Variants in MECOM observed in about 807,000 individuals in gnomAD.
MECOM encodes MDS1 and EVI1 complex locus, also known as histone-lysine N-methyltransferase MECOM.
Under a neutral mutation model 116.3 loss-of-function variants are expected in MECOM, and 13 were observed. The ratio of observed to expected loss-of-function variants is 0.11; its 90% CI spans 0.07 to 0.18. The LOEUF (loss-of-function observed/expected upper bound fraction) is 0.18, where lower values mean the gene tolerates loss of function less well. Among genes scored for constraint, MECOM ranks in the 10% least tolerant of loss-of-function variants. The probability of loss-of-function intolerance (pLI) is 1.00; values close to 1 mark genes in which losing one functional copy is unlikely to be tolerated. For missense variants in MECOM, 1,299 were observed against 1,509.0 expected (o/e 0.86, Z 2.31); for synonymous variants, 528 against 535.2 (o/e 0.99, Z 0.19).
At chr3:169,096,117 G>A (rs1026761817) in intron 12 of MECOM, among the ~76,000 whole-genome samples, 4 of 151,976 alleles carry the variant, frequency 2.6e-5, no homozygotes, top group African/African-American at 9.7e-5. Context: ...CCTTCCCCTA[G>A]CTCTCATTAA....
chr3:169,417,243 A>G (rs1384398646), intron 1 of MECOM, among the ~76,000 whole-genome samples: 1 of 150,250 alleles, frequency 6.7e-6, no homozygotes, highest in Non-Finnish European at 1.5e-5. Flanking sequence ...TCTACAATGA[A>G]CTCAAACAAA....
At chr3:169,114,989 T>TC (rs1010181259) in intron 8 of MECOM, among the ~76,000 whole-genome samples, 5 of 151,944 alleles carry the variant, frequency 3.3e-5, no homozygotes, top group Non-Finnish European at 5.9e-5. Flanking sequence ...CTGTTAGATA[T>TC]CCCCCCCATT....
rs1733477099 is a variant in MECOM, at chr3:169,128,019, C to G, written c.655G>C (p.Glu219Gln). 1.9e-6 allele frequency: 3 copies of G among 1,614,028 alleles called. No individual in the cohort carries two copies. The highest frequency in any genetic ancestry group is 2.5e-6 in the Non-Finnish European group (3 of 1,179,944). Residue 219 changes from glutamate to glutamine, a missense_variant, in exon 5 of 17, where the codon GAA (glutamate) becomes CAA (glutamine). Glu to Gln is a conservative substitution (Grantham distance 29, BLOSUM62 2). Transcript: ENST00000651503. The stretch of plus-strand genomic sequence containing the variant: ...TGATCTGCTAGTTCAGCCTTAGATT[C>G]AAAGAGCTGGTCACAGTCTTCGCAG... ...YRCEDCDQLF[E>Q]SKAELADHQK...
chr3:169,559,094 G>A (rs1762363096), intron 1 of MECOM, among the ~76,000 whole-genome samples: 1 of 151,506 alleles, frequency 6.6e-6, no homozygotes, highest in South Asian at 2.1e-4. Context: ...AATCTCCTAA[G>A]CTAGGACTGC....
At chr3:169,205,370 T>C (rs1265241384) in intron 2 of MECOM, among the ~76,000 whole-genome samples, 1 of 152,194 alleles carries the variant, frequency 6.6e-6, no homozygotes, top group African/African-American at 2.4e-5. Flanking sequence ...TTTTGAAATG[T>C]GTTCATAGGC....
chr3:169,263,294 A>C (rs766002936), intron 2 of MECOM, among the ~76,000 whole-genome samples: 30 of 150,504 alleles, frequency 2.0e-4, no homozygotes, highest in Non-Finnish European at 3.4e-4. Flanking sequence ...ATGCTCGGTT[A>C]ATCTTTTGTA....
At chr3:169,411,478 G>A (rs1440525216) in intron 1 of MECOM, among the ~76,000 whole-genome samples, 1 of 152,198 alleles carries the variant, frequency 6.6e-6, no homozygotes, top group Non-Finnish European at 1.5e-5. Context: ...GATAGGCACT[G>A]CACTGTGAAT....
intron 8 of MECOM, 92 bp from the exon 9 acceptor site, chr3:169,112,966 T>C: frequency 1.1e-6 from 1 of 920,232 alleles, no homozygotes; most frequent in Non-Finnish European, 1.7e-6. Flanking sequence ...AACAATAAAG[T>C]CAATGGTAGG....
intron 2 of MECOM, among the ~76,000 whole-genome samples, chr3:169,235,082 G>A (rs972754286): frequency 9.2e-5 from 14 of 152,140 alleles, no homozygotes; most frequent in Admixed American, 9.2e-4. Flanking sequence ...TTTGGACAAC[G>A]ACAGTGCTTA....
At position 169,319,240 on chromosome 3, in the gene MECOM, C is replaced by T. The variant is rs2149747302; in HGVS notation, c.375+61947G>A. 2.0e-5 allele frequency among the ~76,000 whole-genome samples: 3 copies of T among 152,266 alleles called. No individual in the cohort carries two copies. The East Asian group carries it at 5.8e-4, about 29-fold the overall frequency. ...TACATATACACCATGCAATACTATGCAGCCATAAAAAGGATGAGTTCATGT... is the reference window on the plus strand; with the variant it reads ...TACATATACACCATGCAATACTATGTAGCCATAAAAAGGATGAGTTCATGT... On this transcript the variant is annotated intron_variant, in intron 2 of 16. Coordinates refer to ENST00000651503, the MANE Select transcript of MECOM (RefSeq NM_004991.4).
intron 1 of MECOM, among the ~76,000 whole-genome samples, chr3:169,430,906 T>C (rs1337551415): frequency 6.6e-6 from 1 of 152,234 alleles, no homozygotes; most frequent in Admixed American, 6.5e-5. Flanking sequence ...ACAAGGCCTA[T>C]TTAGACATCC....
At chr3:169,594,154 CAAAAA>C (rs34331048) in intron 1 of MECOM, among the ~76,000 whole-genome samples, 1 of 45,728 alleles carries the variant, frequency 2.2e-5, no homozygotes, top group Non-Finnish European at 4.0e-5. Context: ...ACCACCACCA[CAAAAA>C]AAAAAAAAAA....
intron 2 of MECOM, among the ~76,000 whole-genome samples, chr3:169,228,735 T>C (rs1025111586): frequency 6.6e-6 from 1 of 152,234 alleles, no homozygotes; most frequent in Admixed American, 6.5e-5. Context: ...GGTGTGAGTC[T>C]AAAAGTGTTT....
chr3:169,086,470 G>A lies in MECOM; in HGVS notation c.3586-1427C>T, dbSNP rs928608782. ...AAAAAGGAGTACAAAGAAAATTTTG[G>A]AATTTAAATTTTAATCCTGCCTTTA... On this transcript the variant is annotated intron_variant, in intron 16 of 16. Coordinates refer to ENST00000651503, the MANE Select transcript of MECOM (RefSeq NM_004991.4). 7.6e-6 allele frequency: 5 copies of A among 653,806 alleles called. No individual in the cohort carries two copies. In the Admixed American group the frequency reaches 1.2e-4, roughly 16 times the overall value. The allele number at this position is 653,806 out of a possible 1,614,324, so 40.5% of individuals were successfully genotyped here.
intron 2 of MECOM, chr3:169,146,244 G>A (rs1043621394): frequency 4.5e-4 from 535 of 1,184,126 alleles, no homozygotes; most frequent in Middle Eastern, 7.3e-4. Context: ...CAAAGGGTCC[G>A]AATGTGACTT....
chr3:169,357,310 T>C (rs998138745), intron 2 of MECOM, among the ~76,000 whole-genome samples: 5 of 151,822 alleles, frequency 3.3e-5, no homozygotes, highest in African/African-American at 1.2e-4. Context: ...ACAGCATTTT[T>C]CCTAAAAGGG....
chr3:169,415,257 C>A (rs924737895), intron 1 of MECOM, among the ~76,000 whole-genome samples: 3 of 152,180 alleles, frequency 2.0e-5, no homozygotes, highest in African/African-American at 7.2e-5. Flanking sequence ...GAATTTTCAA[C>A]CCAGAATTTC....
chr3:169,481,440 C>A (rs1751267678), intron 1 of MECOM, among the ~76,000 whole-genome samples: 1 of 152,120 alleles, frequency 6.6e-6, no homozygotes, highest in African/African-American at 2.4e-5. Flanking sequence ...ATAGTCCCAT[C>A]TACTTGGGAG....
intron 1 of MECOM, among the ~76,000 whole-genome samples, chr3:169,475,994 G>C (rs186267040): frequency 6.6e-6 from 1 of 152,184 alleles, no homozygotes; most frequent in Non-Finnish European, 1.5e-5. Flanking sequence ...TTTGTGGCTT[G>C]ATGCCACTTT....
Sources: allele counts gnomAD v4.1 joint callset (sites outside exome capture counted in the v4.1 genomes callset), GRCh38; gene constraint gnomAD v4.1.1; transcripts MANE v1.5; gene names NCBI Gene and HGNC (gene_info 2026-07-23, HGNC 2026-07-21).